WDR41: variants seen among roughly 807,000 people sequenced by gnomAD.
The protein encoded by WDR41 is WD repeat-containing protein 41.
In WDR41, 63 loss-of-function variants were observed where a neutral mutation model predicts 69.3. That is an observed-to-expected ratio of 0.91 (90% CI 0.74 to 1.12). The LOEUF is 1.12. Among genes scored for constraint, WDR41 ranks in the 50% most tolerant of loss-of-function variants. The pLI is 0.00. For missense variants in WDR41, 543 were observed against 534.5 expected (o/e 1.02, Z -0.16); for synonymous variants, 185 against 192.1 (o/e 0.96, Z 0.31).
intron 1 of WDR41, among the ~76,000 whole-genome samples, chr5:77,617,999 G>GA (rs1744708377): frequency 6.6e-6 from 1 of 152,132 alleles, no homozygotes; most frequent in Admixed American, 6.5e-5. Context: ...AAAAAGAAGG[G>GA]AAAAGAAAGC....
chr5:77,471,090 T>C (rs945446453), intron 2 of WDR41, among the ~76,000 whole-genome samples: 7 of 152,142 alleles, frequency 4.6e-5, no homozygotes, highest in Non-Finnish European at 8.8e-5. Flanking sequence ...CAGACCACAG[T>C]GCAATCAAAC....
At chr5:77,479,322 CT>C (rs1334717712) in intron 2 of WDR41, among the ~76,000 whole-genome samples, 1 of 151,998 alleles carries the variant, frequency 6.6e-6, no homozygotes, top group Non-Finnish European at 1.5e-5. Context: ...GAAAAAACTA[CT>C]TTAAAGTTCA....
chr5:77,449,399 C>T (rs1290889480), intron 8 of WDR41, among the ~76,000 whole-genome samples: 2 of 152,102 alleles, frequency 1.3e-5, no homozygotes, highest in Non-Finnish European at 2.9e-5. Context: ...GTGTGGACAG[C>T]AAGACAAAAG....
chr5:77,469,580 AT>A (rs1213096423), intron 2 of WDR41, among the ~76,000 whole-genome samples: 1 of 152,158 alleles, frequency 6.6e-6, no homozygotes, highest in Non-Finnish European at 1.5e-5. Context: ...TCTGGCAGTC[AT>A]TTTTGCGTGT....
chr5:77,593,017 CA>C (rs1378544692), intron 1 of WDR41, among the ~76,000 whole-genome samples: 1 of 152,118 alleles, frequency 6.6e-6, no homozygotes, highest in Non-Finnish European at 1.5e-5. Context: ...ATTGAAAGAA[CA>C]AATCACATGA....
rs1453754675 is a variant in WDR41, at chr5:77,479,912, G to C, written c.167+9545C>G. On this transcript the variant is annotated intron_variant, in intron 2 of 12. Coordinates refer to ENST00000296679, the MANE Select transcript of WDR41 (RefSeq NM_018268.4). ...ACCTACAAAATGGGAGAAAATTTTCGCAACCTACTCATCTGACAAAGGGCT... is the reference window on the plus strand; with the variant it reads ...ACCTACAAAATGGGAGAAAATTTTCCCAACCTACTCATCTGACAAAGGGCT... Among the ~76,000 whole-genome samples the C allele has an allele frequency of 4.0e-5, 6 of 151,738 alleles. 1 individual carries two copies. The highest frequency in any genetic ancestry group is 6.6e-5 in the Admixed American group (1 of 15,250).
At chr5:77,440,770 A>AT in intron 9 of WDR41, 43 bp downstream of exon 9, 1 of 1,588,074 alleles carries the variant, frequency 6.3e-7, no homozygotes, top group South Asian at 1.1e-5. Flanking sequence ...ATTGGGTTAT[A>AT]TATGTCAAAG....
At chr5:77,595,121 G>A (rs188960971) in intron 1 of WDR41, among the ~76,000 whole-genome samples, 1 of 151,280 alleles carries the variant, frequency 6.6e-6, no homozygotes, top group Admixed American at 6.6e-5. Flanking sequence ...CTTACTGACT[G>A]CTAACAAAAT....
chr5:77,447,921 G>A (rs1216831047), intron 8 of WDR41, among the ~76,000 whole-genome samples: 1 of 152,170 alleles, frequency 6.6e-6, no homozygotes, highest in Non-Finnish European at 1.5e-5. Flanking sequence ...AGTAAAAAGT[G>A]CATGAGGCTT....
At chr5:77,436,472 G>A (rs1390227960) in intron 11 of WDR41, 78 bp from the exon 12 acceptor site, 7 of 1,560,334 alleles carry the variant, frequency 4.5e-6, no homozygotes, top group African/African-American at 1.4e-5. Flanking sequence ...AAATTTAAAT[G>A]TGAAGAGGTT....
rs568482511 is a variant in WDR41 at position 77,500,354 on chromosome 5, G to A, written c.43-10782C>T. On this transcript the variant is annotated intron_variant, in intron 1 of 5. Transcript: ENST00000509971. Reference sequence around the variant, plus strand: ...CAGAATGGAGAGGACAGAGGCAAGAGTCAGTGAACTTAAATGGAGAAAATC... The same window carrying A: ...CAGAATGGAGAGGACAGAGGCAAGAATCAGTGAACTTAAATGGAGAAAATC... Among the ~76,000 whole-genome samples, 3 of 152,216 alleles carry A rather than the reference G, an allele frequency of 2.0e-5. No individual in the cohort carries two copies. In the East Asian group the frequency reaches 5.8e-4, roughly 29 times the overall value.
At chr5:77,590,179 A>G (rs561761954) in intron 1 of WDR41, among the ~76,000 whole-genome samples, 25 of 152,162 alleles carry the variant, frequency 1.6e-4, no homozygotes, top group Non-Finnish European at 3.5e-4. Flanking sequence ...AATAAACCCA[A>G]CTTGATTGTG....
chr5:77,570,392 C>T (rs527918938), intron 1 of WDR41, among the ~76,000 whole-genome samples: 6 of 151,080 alleles, frequency 4.0e-5, no homozygotes, highest in African/African-American at 1.5e-4. Context: ...GGAAGAATTG[C>T]AGGAGTTAGG....
chr5:77,575,306 A>G (rs1172681813), intron 1 of WDR41, among the ~76,000 whole-genome samples: 1 of 152,234 alleles, frequency 6.6e-6, no homozygotes. Context: ...AGAACTTTGC[A>G]ATGAGATAAT....
chr5:77,618,876 C>T (rs1392671627), intron 1 of WDR41, among the ~76,000 whole-genome samples: 3 of 152,106 alleles, frequency 2.0e-5, no homozygotes, highest in South Asian at 2.1e-4. Flanking sequence ...GATATAACGA[C>T]GTTTTAGAAG....
At chr5:77,576,102 T>G (rs1743827031) in intron 1 of WDR41, among the ~76,000 whole-genome samples, 2 of 152,190 alleles carry the variant, frequency 1.3e-5, no homozygotes, top group South Asian at 4.1e-4. Context: ...ATAGCATGTC[T>G]TACACAGTGA....
At chr5:77,465,378 T>C (rs1383087362) in intron 2 of WDR41, among the ~76,000 whole-genome samples, 9 of 152,144 alleles carry the variant, frequency 5.9e-5, no homozygotes, top group Admixed American at 5.2e-4. Flanking sequence ...GCTTGTCTTA[T>C]GGCATGAAAA....
chr5:77,488,096 G>C (rs1187656397), intron 2 of WDR41, among the ~76,000 whole-genome samples: 1 of 152,118 alleles, frequency 6.6e-6, no homozygotes, highest in East Asian at 1.9e-4. Flanking sequence ...TCCTTCTAGT[G>C]AATTATCAGA....
intron 1 of WDR41, among the ~76,000 whole-genome samples, chr5:77,604,360 T>A (rs1219413187): frequency 6.6e-6 from 1 of 152,188 alleles, no homozygotes; most frequent in Non-Finnish European, 1.5e-5. Flanking sequence ...ATTGCCTTCT[T>A]GATTTCTTTC....
Sources: allele counts gnomAD v4.1 joint callset (sites outside exome capture counted in the v4.1 genomes callset), GRCh38; gene constraint gnomAD v4.1.1; transcripts MANE v1.5; gene names NCBI Gene and HGNC (gene_info 2026-07-23, HGNC 2026-07-21).